ANK2: variants seen among roughly 807,000 people sequenced by gnomAD.
ANK2 encodes the protein ankyrin-2.
In ANK2, 83 loss-of-function variants were observed where a neutral mutation model predicts 360.5. That is an observed-to-expected ratio of 0.23 (90% confidence interval 0.19 to 0.28). The LOEUF (loss-of-function observed/expected upper bound fraction) is 0.28. ANK2 is among the 10% of genes least tolerant of loss of function. ANK2 has a pLI of 1.00. For missense variants in ANK2, 4,201 were observed against 4,795.7 expected, an observed-to-expected ratio of 0.88 and a Z score of 3.66; for synonymous variants, 1,740 against 1,759.5, an observed-to-expected ratio of 0.99 and a Z score of 0.28.
chr4:112,966,812 C>T (rs1258453472), intron 2 of ANK2, among the ~76,000 whole-genome samples: 1 of 152,148 alleles, frequency 6.6e-6, no homozygotes, highest in African/African-American at 2.4e-5. Context: ...ATTGACAATG[C>T]ATAAAATGCT....
intron 35 of ANK2, among the ~76,000 whole-genome samples, chr4:113,346,492 C>T (rs2094870175): frequency 6.6e-6 from 1 of 152,128 alleles, no homozygotes; most frequent in South Asian, 2.1e-4. Context: ...AAATTCAGAA[C>T]TGCCCCGTGA....
chr4:113,304,398 A>G (rs1448852737), intron 23 of ANK2, among the ~76,000 whole-genome samples: 6 of 152,168 alleles, frequency 3.9e-5, no homozygotes, highest in Non-Finnish European at 8.8e-5. Flanking sequence ...TTGAAATAGC[A>G]TGTGTAATAT....
At chr4:112,962,613 T>A (rs539658284) in intron 2 of ANK2, among the ~76,000 whole-genome samples, 7 of 152,254 alleles carry the variant, frequency 4.6e-5, no homozygotes, top group Non-Finnish European at 8.8e-5. Context: ...CTTTTAGAAA[T>A]CTCCAAACTG....
Position 113,338,126 on chromosome 4 carries a change from T to C in ANK2, c.3797-1100T>C, listed in dbSNP as rs547926015. Among the ~76,000 whole-genome samples, 25 of 152,356 alleles carry C rather than the reference T, an allele frequency of 1.6e-4. No homozygotes were observed. In the East Asian group the frequency reaches 4.0e-3, roughly 25 times the overall value. On this transcript the variant is annotated intron_variant, in intron 31 of 45. Coordinates refer to ENST00000357077, the MANE Select transcript of ANK2 (RefSeq NM_001148.6). ...TGAGTCTTTGTATTTTTCTGTGTCA[T>C]GTAGTTATGCTGAGTATGTATTTTA...
chr4:113,334,601 A>G (rs925157417), intron 29 of ANK2, among the ~76,000 whole-genome samples: 2 of 139,744 alleles, frequency 1.4e-5, no homozygotes, highest in African/African-American at 5.9e-5. Context: ...AGATTAATTA[A>G]TCTATTACTA....
chr4:113,180,456 T>A (rs1319225442), intron 2 of ANK2, among the ~76,000 whole-genome samples: 1 of 152,198 alleles, frequency 6.6e-6, no homozygotes, highest in Non-Finnish European at 1.5e-5. Context: ...ATTCTCAACC[T>A]AAGCTTTAGC....
At chr4:112,751,078 C>G in the ANK2 span, among the ~76,000 whole-genome samples, 14 of 152,160 alleles carry the variant, frequency 9.2e-5, no homozygotes, top group Non-Finnish European at 2.1e-4. Flanking sequence ...GCAGCCACCT[C>G]TCTGGTAGCT....
At chr4:113,202,060 G>A (rs182381744) in intron 4 of ANK2, among the ~76,000 whole-genome samples, 13 of 152,062 alleles carry the variant, frequency 8.5e-5, no homozygotes, top group Admixed American at 1.3e-4. Flanking sequence ...TTTTCTAAAT[G>A]TTTTTCTAAG....
intron 1 of ANK2, among the ~76,000 whole-genome samples, chr4:112,860,224 A>G (rs534958926): frequency 7.2e-4 from 109 of 152,276 alleles, no homozygotes; most frequent in Middle Eastern, 3.4e-3. Flanking sequence ...TTTTAAAAAA[A>G]ATTCTTTTTT....
At chr4:113,027,454 T>C (rs926231086) in intron 2 of ANK2, among the ~76,000 whole-genome samples, 1 of 152,116 alleles carries the variant, frequency 6.6e-6, no homozygotes, top group Admixed American at 6.6e-5. Context: ...TTTTGCTGAT[T>C]GTTCAGAACC....
intron 2 of ANK2, among the ~76,000 whole-genome samples, chr4:112,980,995 T>C (rs965949664): frequency 6.6e-6 from 1 of 152,042 alleles, no homozygotes; most frequent in African/African-American, 2.4e-5. Context: ...AGAGGCAGAG[T>C]TGAGTTATAA....
At position 113,307,132 on chromosome 4, in the gene ANK2, T is replaced by C. The variant is rs114270153; in HGVS notation, c.2549-4123T>C. 4.5e-3 allele frequency among the ~76,000 whole-genome samples: 684 copies of C among 152,250 alleles called. 6 individuals carry two copies. The highest frequency in any genetic ancestry group is 0.015 in the African/African-American group (642 of 41,550). On this transcript the variant is annotated intron_variant, in intron 23 of 45. Transcript: ENST00000357077. ...GATTCTTGAGTGGGTGGCTTGTCCA[T>C]ATATCTCTGCTAGTACTCTGGAATG...
the ANK2 span, among the ~76,000 whole-genome samples, chr4:112,717,781 T>C: frequency 8.0e-6 from 1 of 125,676 alleles, no homozygotes; most frequent in Non-Finnish European, 1.9e-5. Context: ...ATATTTACTT[T>C]AAAAAAAAAA....
chr4:113,078,249 T>C (rs2080931516), intron 1 of ANK2, among the ~76,000 whole-genome samples: 1 of 152,214 alleles, frequency 6.6e-6, no homozygotes, highest in Non-Finnish European at 1.5e-5. Context: ...CAAAATGGAC[T>C]GTAAATGGAT....
At chr4:113,363,717 T>C (rs996886632) in intron 40 of ANK2, among the ~76,000 whole-genome samples, 4 of 152,182 alleles carry the variant, frequency 2.6e-5, no homozygotes, top group Non-Finnish European at 4.4e-5. Context: ...TGTAGCTTTT[T>C]CCCCAGTATT....
chr4:113,179,451 A>T (rs1197381653), intron 2 of ANK2, among the ~76,000 whole-genome samples: 1 of 152,238 alleles, frequency 6.6e-6, no homozygotes, highest in Admixed American at 6.5e-5. Context: ...TTAAAATGTA[A>T]TTCCCAAATA....
intron 1 of ANK2, among the ~76,000 whole-genome samples, chr4:113,117,858 T>C (rs2094978612): frequency 6.6e-6 from 1 of 152,178 alleles, no homozygotes; most frequent in South Asian, 2.1e-4. Context: ...TGTAGACCTC[T>C]AGTTAAGAAT....
chr4:112,957,007 G>GTTTTTTTTTTTTTTT (rs56066718), intron 2 of ANK2, among the ~76,000 whole-genome samples: 1 of 66,486 alleles, frequency 1.5e-5, no homozygotes, highest in Non-Finnish European at 2.9e-5. Context: ...TATTGCTCTT[G>GTTTTTTTTTTTTTTT]TTTTTTTTTT....
intron 2 of ANK2, among the ~76,000 whole-genome samples, chr4:113,004,344 A>T (rs1203622221): frequency 6.6e-6 from 1 of 152,010 alleles, no homozygotes; most frequent in Non-Finnish European, 1.5e-5. Context: ...TTTTCTTTGT[A>T]TCCTAATTCT....
Sources: allele counts gnomAD v4.1 joint callset (sites outside exome capture counted in the v4.1 genomes callset), GRCh38; gene constraint gnomAD v4.1.1; transcripts MANE v1.5; gene names NCBI Gene and HGNC (gene_info 2026-07-23, HGNC 2026-07-21).